CYTH1: variants seen among roughly 807,000 people sequenced by gnomAD.
CYTH1 encodes the protein cytohesin-1.
CYTH1 carries 18 observed loss-of-function variants against 61.8 expected under a neutral mutation model. The ratio of observed to expected loss-of-function variants is 0.29; its 90% CI spans 0.20 to 0.43. CYTH1 has a LOEUF of 0.43. CYTH1 is among the 20% of genes least tolerant of loss of function. CYTH1 has a pLI of 1.00. For synonymous variants in CYTH1, 174 were observed against 184.3 expected (o/e 0.94, Z 0.45); for missense variants, 336 against 510.5 (o/e 0.66, Z 3.29).
At chr17:78,732,899 C>T (rs2093302063) in intron 1 of CYTH1, among the ~76,000 whole-genome samples, 2 of 151,870 alleles carry the variant, frequency 1.3e-5, no homozygotes, top group Non-Finnish European at 1.5e-5. Flanking sequence ...CCATCCTGGC[C>T]AACATGGTGA....
chr17:78,734,959 T>C (rs569011034), intron 1 of CYTH1, among the ~76,000 whole-genome samples: 1 of 152,080 alleles, frequency 6.6e-6, no homozygotes, highest in Non-Finnish European at 1.5e-5. Flanking sequence ...GGAAACTCCA[T>C]TTGTCCCCCT....
intron 1 of CYTH1, among the ~76,000 whole-genome samples, chr17:78,750,908 A>G (rs1463030868): frequency 6.6e-6 from 1 of 152,120 alleles, no homozygotes; most frequent in South Asian, 2.1e-4. Flanking sequence ...CTCTGGTCAC[A>G]CTTTTGTCAA....
chr17:78,766,449 T>G (rs1052447453), intron 1 of CYTH1, among the ~76,000 whole-genome samples: 1 of 152,186 alleles, frequency 6.6e-6, no homozygotes, highest in Admixed American at 6.6e-5. Context: ...TGAGTAATTC[T>G]TGTTGCCACA....
chr17:78,721,769 C>T (rs1192957937), intron 1 of CYTH1, among the ~76,000 whole-genome samples: 1 of 152,142 alleles, frequency 6.6e-6, no homozygotes. Flanking sequence ...ATTGGCTGGG[C>T]GCAGTGGCTC....
At chr17:78,738,350 A>G (rs1258571447) in intron 1 of CYTH1, among the ~76,000 whole-genome samples, 1 of 152,196 alleles carries the variant, frequency 6.6e-6, no homozygotes, top group African/African-American at 2.4e-5. Context: ...CTGGCTGCAG[A>G]GCCCATCCTC....
chr17:78,712,262 T>C (rs1455439318), intron 1 of CYTH1, among the ~76,000 whole-genome samples: 1 of 152,120 alleles, frequency 6.6e-6, no homozygotes, highest in African/African-American at 2.4e-5. Context: ...TTTTACATCA[T>C]GACCCAATCT....
At chr17:78,734,959 T>A (rs569011034) in intron 1 of CYTH1, among the ~76,000 whole-genome samples, 1 of 152,198 alleles carries the variant, frequency 6.6e-6, no homozygotes, top group East Asian at 1.9e-4. Context: ...GGAAACTCCA[T>A]TTGTCCCCCT....
At chr17:78,698,166 C>T (rs1417971591) in intron 9 of CYTH1, 103 bp downstream of exon 9, 1 of 975,850 alleles carries the variant, frequency 1.0e-6, no homozygotes, top group Non-Finnish European at 1.6e-6. Flanking sequence ...TGCACACGCA[C>T]AAACACGCAC....
chr17:78,692,316 A>G (rs2092896092), intron 11 of CYTH1, 101 bp downstream of exon 11: 1 of 1,203,218 alleles, frequency 8.3e-7, no homozygotes, highest in African/African-American at 1.5e-5. Flanking sequence ...CAGATACTGA[A>G]GGGCAAATCC....
chr17:78,724,664 T>C (rs1447096580), intron 1 of CYTH1, among the ~76,000 whole-genome samples: 1 of 152,132 alleles, frequency 6.6e-6, no homozygotes, highest in African/African-American at 2.4e-5. Context: ...AGATAAACAA[T>C]GGAAGAGGGG....
chr17:78,701,243 C>T (rs2093005943), intron 6 of CYTH1, among the ~76,000 whole-genome samples: 1 of 152,188 alleles, frequency 6.6e-6, no homozygotes, highest in African/African-American at 2.4e-5. Context: ...TTTACACCTA[C>T]AGCAGTGAAA....
At chr17:78,692,697 C>G (rs1374925300) in intron 10 of CYTH1, among the ~76,000 whole-genome samples, 1 of 151,756 alleles carries the variant, frequency 6.6e-6, no homozygotes, top group African/African-American at 2.4e-5. Flanking sequence ...TGGGTACAAG[C>G]AGAGCAAGCG....
At chr17:78,756,991 T>A (rs988647668) in intron 1 of CYTH1, among the ~76,000 whole-genome samples, 167 of 146,394 alleles carry the variant, frequency 1.1e-3, no homozygotes, top group Non-Finnish European at 2.2e-3. Flanking sequence ...TTTTTTTCTT[T>A]TTTTTTTTTT....
intron 1 of CYTH1, among the ~76,000 whole-genome samples, chr17:78,758,803 T>C (rs556535003): frequency 6.6e-6 from 1 of 152,346 alleles, no homozygotes; most frequent in African/African-American, 2.4e-5. Flanking sequence ...ACCCAATTCA[T>C]GCATAGACAT....
At chr17:78,735,675 A>C (rs187291132) in intron 1 of CYTH1, among the ~76,000 whole-genome samples, 3 of 152,326 alleles carry the variant, frequency 2.0e-5, no homozygotes, top group African/African-American at 7.2e-5. Flanking sequence ...TTTATAGTGA[A>C]CCAGAGTGGG....
chr17:78,782,091 G>T, intron 1 of CYTH1, 111 bp downstream of exon 1: 1 of 983,306 alleles, frequency 1.0e-6, no homozygotes, highest in Non-Finnish European at 1.3e-6. Flanking sequence ...TCCGCGTCCC[G>T]CACCAGTGTC....
intron 1 of CYTH1, among the ~76,000 whole-genome samples, chr17:78,750,813 A>C (rs556456947): frequency 0.013 from 1,955 of 152,150 alleles, 14 homozygotes; most frequent in Non-Finnish European, 0.02. Context: ...AAAAAAAAAA[A>C]AACAAAAATA....
In CYTH1 at chr17:78,712,700, T is replaced by C. The variant is rs117888017; in HGVS notation, c.23-2968A>G. On this transcript the variant is annotated intron_variant, in intron 1 of 13. Coordinates refer to ENST00000446868, the MANE Select transcript of CYTH1 (RefSeq NM_004762.6). ...AATATAAAAAATAAAAAATAATTAT[T>C]TCATAATCAATTAGGTAATCGTATA... Among the ~76,000 whole-genome samples the C allele has an allele frequency of 7.4e-3, 1,119 of 151,980 alleles. 7 individuals are homozygous for C. The highest frequency in any genetic ancestry group is 0.013 in the Non-Finnish European group (900 of 67,960).
At chr17:78,777,145 G>C (rs1938167227) in intron 1 of CYTH1, among the ~76,000 whole-genome samples, 1 of 148,704 alleles carries the variant, frequency 6.7e-6, no homozygotes, top group Non-Finnish European at 1.5e-5. Context: ...AAAAAATAAG[G>C]CCGGGCGCGG....
Sources: gnomAD v4.1 joint callset for allele counts (sites outside exome capture counted in the v4.1 genomes callset) on GRCh38, gnomAD v4.1.1 for gene constraint, MANE v1.5 for transcripts, NCBI Gene and HGNC (gene_info 2026-07-23, HGNC 2026-07-21) for gene names.